Variants in CLSTN2 observed in about 807,000 individuals in gnomAD.
CLSTN2 encodes the protein calsyntenin-2.
Under a neutral mutation model 101.2 loss-of-function variants are expected in CLSTN2, and 48 were observed. The observed-to-expected ratio is 0.47, with a 90% CI of 0.38 to 0.60. The LOEUF is 0.60. CLSTN2 is among the 20% of genes least tolerant of loss of function. The pLI is 0.00. For missense variants in CLSTN2, 1,160 were observed against 1,238.2 expected (o/e 0.94, Z 0.95); for synonymous variants, 481 against 463.6 (o/e 1.04, Z -0.48).
chr3:140,072,205 A>AT (rs2008409714), intron 1 of CLSTN2, among the ~76,000 whole-genome samples: 1 of 151,776 alleles, frequency 6.6e-6, no homozygotes, highest in Non-Finnish European at 1.5e-5. Flanking sequence ...CTTAAAAAAA[A>AT]CAGAAAACAA....
chr3:140,135,777 C>T (rs1576440664), intron 1 of CLSTN2, among the ~76,000 whole-genome samples: 2 of 152,150 alleles, frequency 1.3e-5, no homozygotes, highest in African/African-American at 2.4e-5. Flanking sequence ...TTGCAGGGTA[C>T]CTTTGTTATG....
chr3:139,981,789 C>A (rs1191440357), intron 1 of CLSTN2, among the ~76,000 whole-genome samples: 3 of 152,206 alleles, frequency 2.0e-5, no homozygotes, highest in Non-Finnish European at 4.4e-5. Flanking sequence ...TTGGGCCACC[C>A]CAATGCCCTG....
At chr3:140,253,347 T>A (rs760343205) in intron 2 of CLSTN2, among the ~76,000 whole-genome samples, 5 of 152,142 alleles carry the variant, frequency 3.3e-5, no homozygotes, top group Non-Finnish European at 2.9e-5. Flanking sequence ...GCTTTCTCCA[T>A]CCCCAGAAAA....
rs192799492 is a variant in CLSTN2 at position 140,113,787 on chromosome 3, C to T, written c.110-62164C>T. On this transcript the variant is annotated intron_variant, in intron 1 of 16. Transcript: ENST00000458420. ...AAATTATGAAACTAATTGATAGTGA[C>T]GCACGACTATCAGGTTGAGCAAAAA... is the stretch of plus-strand genomic sequence containing the variant. Among the ~76,000 whole-genome samples, 19 of 152,244 alleles carry T rather than the reference C, an allele frequency of 1.2e-4. No homozygotes were observed. In the East Asian group the frequency reaches 1.7e-3, roughly 14 times the overall value.
intron 2 of CLSTN2, among the ~76,000 whole-genome samples, chr3:140,286,359 T>C (rs62267999): frequency 0.012 from 1,890 of 152,298 alleles, 14 homozygotes; most frequent in Middle Eastern, 0.017. Context: ...GTTAAGTGTT[T>C]ATCGATCGTC....
At position 140,211,398 on chromosome 3, in the gene CLSTN2, TCACA is replaced by T. The variant is rs59994883; in HGVS notation, c.232+35350_232+35353del. ...AACCACCTGATATATGCTTGGTAATTCACACACACACACACACACACACACACAG... is the reference window on the plus strand; with the variant it reads ...AACCACCTGATATATGCTTGGTAATTCACACACACACACACACACACACAG... On this transcript the variant is annotated intron_variant, in intron 2 of 16. Coordinates refer to ENST00000458420, the MANE Select transcript of CLSTN2 (RefSeq NM_022131.3). Among the ~76,000 whole-genome samples, 26 of 113,482 alleles carry T rather than the reference TCACA, an allele frequency of 2.3e-4. No homozygotes were observed. The East Asian group carries it at 5.6e-3, about 24-fold the overall frequency. 74.4% of individuals were successfully genotyped at this position (113,482 alleles called of 152,430 possible). A position where few individuals can be genotyped will look rare whatever the true frequency, so the allele number is the denominator to read the frequency against.
At chr3:140,392,918 G>A (rs549290926) in intron 2 of CLSTN2, among the ~76,000 whole-genome samples, 2 of 152,072 alleles carry the variant, frequency 1.3e-5, no homozygotes, top group East Asian at 3.9e-4. Context: ...GGCCCTTCTT[G>A]CCGGTGGGGA....
intron 12 of CLSTN2, among the ~76,000 whole-genome samples, chr3:140,560,866 C>G (rs182886727): frequency 2.0e-5 from 3 of 152,288 alleles, no homozygotes; most frequent in Admixed American, 6.5e-5. Flanking sequence ...GATGCACATA[C>G]AGCATTGCTA....
At chr3:139,978,053 A>C (rs1391991706) in intron 1 of CLSTN2, among the ~76,000 whole-genome samples, 1 of 152,152 alleles carries the variant, frequency 6.6e-6, no homozygotes, top group Non-Finnish European at 1.5e-5. Context: ...ACCCTGTGCC[A>C]AACACAAGCA....
At chr3:140,398,738 T>A (rs1389960922) in intron 2 of CLSTN2, among the ~76,000 whole-genome samples, 2 of 152,194 alleles carry the variant, frequency 1.3e-5, no homozygotes, top group Non-Finnish European at 2.9e-5. Context: ...AGTTTCCTCA[T>A]CTAAAAAATT....
At chr3:140,550,577 G>T (rs1311291594) in intron 10 of CLSTN2, among the ~76,000 whole-genome samples, 1 of 152,038 alleles carries the variant, frequency 6.6e-6, no homozygotes, top group African/African-American at 2.4e-5. Context: ...TTGCATCTGC[G>T]TAGATCTTCT....
At chr3:139,953,904 C>G (rs1490491248) in intron 1 of CLSTN2, among the ~76,000 whole-genome samples, 1 of 94,146 alleles carries the variant, frequency 1.1e-5, no homozygotes, top group Non-Finnish European at 2.5e-5. Context: ...AGGGAACAAA[C>G]AAGAGAAGGG....
chr3:140,422,071 G>A (rs1446809608), intron 5 of CLSTN2, among the ~76,000 whole-genome samples: 1 of 152,106 alleles, frequency 6.6e-6, no homozygotes. Context: ...TGTTGAAGAT[G>A]CTGCAGGCTA....
intron 1 of CLSTN2, among the ~76,000 whole-genome samples, chr3:139,962,810 A>C (rs755687557): frequency 4.6e-4 from 70 of 152,172 alleles, no homozygotes; most frequent in Admixed American, 4.4e-3. Flanking sequence ...GGACATTTAG[A>C]GTGTCTTCAG....
chr3:140,486,281 A>AAGC (rs1934241004), intron 8 of CLSTN2, among the ~76,000 whole-genome samples: 1 of 151,742 alleles, frequency 6.6e-6, no homozygotes, highest in Non-Finnish European at 1.5e-5. Flanking sequence ...GGAAAGAAAG[A>AAGC]GCATTGGAAA....
At chr3:140,284,313 A>G (rs2086876787) in intron 2 of CLSTN2, among the ~76,000 whole-genome samples, 1 of 152,166 alleles carries the variant, frequency 6.6e-6, no homozygotes, top group Non-Finnish European at 1.5e-5. Flanking sequence ...CTGTGCTGGG[A>G]CTGCCATAAT....
chr3:140,385,397 G>C lies in CLSTN2; in HGVS notation c.233-18232G>C, dbSNP rs141830065. On this transcript the variant is annotated intron_variant, in intron 2 of 16. Coordinates refer to ENST00000458420, the MANE Select transcript of CLSTN2 (RefSeq NM_022131.3). The stretch of plus-strand genomic sequence containing the variant: ...TTTTTTTTTTTTTATCTGAGATGGC[G>C]TCTCGCTGTCGCCCAGGCTGGAGTG... Among the ~76,000 whole-genome samples the C allele has an allele frequency of 2.8e-3, 348 of 124,862 alleles. 3 individuals are homozygous for C. The highest frequency in any genetic ancestry group is 0.011 in the African/African-American group (335 of 31,360). The allele number at this position is 124,862 out of a possible 152,430, so 81.9% of individuals were successfully genotyped here.
chr3:140,277,919 A>C (rs563680242), intron 2 of CLSTN2, among the ~76,000 whole-genome samples: 7 of 152,238 alleles, frequency 4.6e-5, no homozygotes, highest in Non-Finnish European at 8.8e-5. Context: ...GTTGGCTGTG[A>C]CAGCAGTGCT....
intron 2 of CLSTN2, among the ~76,000 whole-genome samples, chr3:140,338,775 G>A (rs2087465989): frequency 1.3e-5 from 2 of 152,250 alleles, no homozygotes; most frequent in Non-Finnish European, 2.9e-5. Context: ...AAGGGGAAGT[G>A]TTGGTGGTCC....
Sources: gnomAD v4.1 joint callset for allele counts (sites outside exome capture counted in the v4.1 genomes callset) on GRCh38, gnomAD v4.1.1 for gene constraint, MANE v1.5 for transcripts, NCBI Gene and HGNC (gene_info 2026-07-23, HGNC 2026-07-21) for gene names.